Variants in ATP11A observed in about 807,000 individuals in gnomAD.
ATP11A encodes ATPase phospholipid transporting 11A, also known as phospholipid-transporting ATPase IH.
Under a neutral mutation model 154.4 loss-of-function variants are expected in ATP11A, and 81 were observed. That is an observed-to-expected ratio of 0.52 (90% CI 0.44 to 0.63). ATP11A has a LOEUF of 0.63. Among genes scored for constraint, ATP11A ranks in the 30% least tolerant of loss-of-function variants. ATP11A has a pLI of 0.00. For missense variants in ATP11A, 1,316 were observed against 1,474.3 expected (o/e 0.89, Z 1.76); for synonymous variants, 623 against 585.9 (o/e 1.06, Z -0.91).
intron 4 of ATP11A, 125 bp from the exon 5 acceptor site, chr13:112,810,494 T>A (rs1362706348): frequency 1.3e-6 from 1 of 762,128 alleles, no homozygotes; most frequent in Admixed American, 2.2e-5. Flanking sequence ...TGCTGAAAAA[T>A]ACACCCCCAC....
At chr13:112,877,933 G>A (rs1038786380) in intron 28 of ATP11A, among the ~76,000 whole-genome samples, 4 of 152,186 alleles carry the variant, frequency 2.6e-5, no homozygotes, top group South Asian at 2.1e-4. Context: ...GGGTCTCTGC[G>A]TCCCACAAGA....
intron 1 of ATP11A, among the ~76,000 whole-genome samples, chr13:112,776,768 TG>T (rs1251212656): frequency 6.6e-6 from 1 of 152,084 alleles, no homozygotes; most frequent in African/African-American, 2.4e-5. Context: ...GCCTAATTTT[TG>T]TATTTTTAGT....
chr13:112,752,794 A>G (rs374222288), intron 1 of ATP11A, among the ~76,000 whole-genome samples: 30 of 152,346 alleles, frequency 2.0e-4, no homozygotes, highest in African/African-American at 7.0e-4. Flanking sequence ...TGGCCATCCT[A>G]CAATTGCTAA....
intron 4 of ATP11A, among the ~76,000 whole-genome samples, chr13:112,808,849 C>T (rs995018942): frequency 3.3e-5 from 5 of 152,208 alleles, no homozygotes; most frequent in Admixed American, 2.6e-4. Context: ...CTCCGATCAG[C>T]CCATCACATG....
In ATP11A at chr13:112,832,936, G is replaced by A; in HGVS notation, c.1472G>A (p.Gly491Asp). ...GTGAAAGACGATGACAGCGTAGACGGCCCCAGGAAATCGCCGGACGGGGGG... is the reference window on the plus strand; with the variant it reads ...GTGAAAGACGATGACAGCGTAGACGACCCCAGGAAATCGCCGGACGGGGGG... ...VQVKDDDSVD[G>D]PRKSPDGGKS... The change falls in exon 14 of 30, where the codon GGC becomes GAC. Residue 491 changes from glycine (G) to aspartate (D), a missense_variant. Physicochemically the swap from Gly to Asp is moderately conservative, Grantham distance 94 (BLOSUM62 -1). Around this residue, in one of 5 missense-constraint regions of ATP11A, gnomAD observed 876 missense variants for 1,006.8 expected, o/e 0.87. Transcript: ENST00000375645. 6.2e-7 allele frequency: 1 copy of A among 1,614,042 alleles called. No homozygotes were observed. The highest frequency in any genetic ancestry group is 1.3e-5 in the African/African-American group (1 of 75,022).
rs952923560 is a variant in ATP11A, at chr13:112,824,527, A to G, written c.872+102A>G. 1.4e-5 allele frequency: 15 copies of G among 1,036,694 alleles called. No homozygotes were observed. The African/African-American group carries it at 2.2e-4, about 15-fold the overall frequency. 64.2% of individuals were successfully genotyped at this position (1,036,694 alleles called of 1,614,324 possible). A position where few individuals can be genotyped will look rare whatever the true frequency, so the allele number is the denominator to read the frequency against. ...TGGCCTTATTGGCAGTTCCTTTGCC[A>G]CTGTACAGCATCTTAGTAACTGCAG... On this transcript the variant is annotated intron_variant, in intron 10 of 29. Transcript: ENST00000375645.
chr13:112,860,273 C>G lies in ATP11A; in HGVS notation c.2728-14C>G, dbSNP rs768383764. On this transcript the variant is annotated splice_polypyrimidine_tract_variant and intron_variant, in intron 23 of 29. Transcript: ENST00000375645. ...TGCACTGAGGTGCCACTTCTTGTGA[C>G]TTTCCTCTTACAGACTTTGTACGAC... 6.2e-7 allele frequency: 1 copy of G among 1,608,514 alleles called. No homozygotes were observed. Among genetic ancestry groups the G allele is most frequent in the African/African-American group, 1.3e-5 (1 of 74,764 alleles).
intron 1 of ATP11A, among the ~76,000 whole-genome samples, chr13:112,744,402 T>C (rs1340259190): frequency 3.3e-5 from 5 of 152,206 alleles, no homozygotes; most frequent in Non-Finnish European, 7.3e-5. Flanking sequence ...TGCAGTGTTC[T>C]GTATGTTGAT....
chr13:112,793,577 T>A (rs2077918495), intron 2 of ATP11A, among the ~76,000 whole-genome samples: 1 of 152,210 alleles, frequency 6.6e-6, no homozygotes, highest in South Asian at 2.1e-4. Context: ...CCTGGCATAA[T>A]TTTCTGTGTT....
intron 2 of ATP11A, among the ~76,000 whole-genome samples, chr13:112,798,497 T>G (rs2078055671): frequency 6.6e-6 from 1 of 152,164 alleles, no homozygotes; most frequent in South Asian, 2.1e-4. Flanking sequence ...TACTCAGTGG[T>G]GATTGCTCAG....
intron 1 of ATP11A, among the ~76,000 whole-genome samples, chr13:112,782,038 G>A (rs1321905399): frequency 1.3e-5 from 2 of 152,254 alleles, no homozygotes; most frequent in African/African-American, 2.4e-5. Context: ...CAGGCAGCCT[G>A]TTTTCTGAAG....
At chr13:112,771,007 C>G (rs1434910248) in intron 1 of ATP11A, among the ~76,000 whole-genome samples, 2 of 152,062 alleles carry the variant, frequency 1.3e-5, no homozygotes, top group Admixed American at 6.6e-5. Context: ...TCTGTTCTGC[C>G]CCGCGGTGTA....
Position 112,883,401 on chromosome 13 carries a change from C to A in ATP11A, c.*1535C>A. 1 of 389,956 alleles carries A rather than the reference C, an allele frequency of 2.6e-6. No homozygotes were observed. The highest frequency in any genetic ancestry group is 4.5e-6 in the Non-Finnish European group (1 of 221,010). The allele number at this position is 389,956 out of a possible 1,614,324, so 24.2% of individuals were successfully genotyped here. A position where few individuals can be genotyped will look rare whatever the true frequency, so the allele number is the denominator to read the frequency against. The stretch of plus-strand genomic sequence containing the variant: ...GAAACTGCTGCCTTTCAGGAAAGCA[C>A]CACCAACGCTGGAGGAGGAGCCGGC... On this transcript the variant is annotated 3_prime_UTR_variant, in exon 30 of 30. Transcript: ENST00000375645.
intron 13 of ATP11A, 63 bp from the exon 14 acceptor site, chr13:112,832,797 G>A: frequency 6.4e-7 from 1 of 1,567,924 alleles, no homozygotes; most frequent in Non-Finnish European, 8.7e-7. Context: ...CTCTGCGCCT[G>A]TTTCCCTCTA....
intron 2 of ATP11A, among the ~76,000 whole-genome samples, chr13:112,803,846 T>TCCTTCCCCTCCTTTTCCTCCTTTCTTC (rs1566504132): frequency 1.1e-5 from 1 of 94,806 alleles, no homozygotes. Flanking sequence ...CTCCTTCCTC[T>TCCTTCCCCTCCTTTTCCTCCTTTCTTC]CCTTCCCCTC....
At chr13:112,849,970 A>G (rs1436095430) in intron 17 of ATP11A, among the ~76,000 whole-genome samples, 2 of 152,178 alleles carry the variant, frequency 1.3e-5, no homozygotes, top group African/African-American at 4.8e-5. Flanking sequence ...GTTCCTGGAG[A>G]ACAGGACTCA....
chr13:112,873,473 G>A, intron 26 of ATP11A, 100 bp from the exon 27 acceptor site: 1 of 877,668 alleles, frequency 1.1e-6, no homozygotes, highest in Admixed American at 2.9e-5. Flanking sequence ...CTTGCGTTTG[G>A]TTTAGTTTCT....
At chr13:112,715,393 C>A (rs74661546) in intron 1 of ATP11A, among the ~76,000 whole-genome samples, 6 of 47,390 alleles carry the variant, frequency 1.3e-4, no homozygotes, top group Non-Finnish European at 2.2e-4. Flanking sequence ...GGCCGATCCC[C>A]CCACACCTGG....
chr13:112,714,047 G>C (rs7317569), intron 1 of ATP11A, among the ~76,000 whole-genome samples: 1,173 of 10,578 alleles, frequency 0.11, 2 homozygotes, highest in Middle Eastern at 0.18. Flanking sequence ...TCACTCCCCC[G>C]ACCCCTGATC....
Sources: allele counts gnomAD v4.1 joint callset (sites outside exome capture counted in the v4.1 genomes callset), GRCh38; gene constraint gnomAD v4.1.1; regional missense constraint gnomAD v4.1.1; transcripts MANE v1.5; gene names NCBI Gene and HGNC (gene_info 2026-07-23, HGNC 2026-07-21).